The following PDE1A variants were observed in gnomAD, a reference collection of about 807,000 sequenced individuals.
The protein encoded by PDE1A is phosphodiesterase 1A, also known as dual specificity calcium/calmodulin-dependent 3',5'-cyclic nucleotide phosphodiesterase 1A.
Under a neutral mutation model 61.7 loss-of-function variants are expected in PDE1A, and 35 were observed. That is an observed-to-expected ratio of 0.57 (90% confidence interval 0.43 to 0.75). The LOEUF is 0.75. PDE1A is among the 30% of genes least tolerant of loss of function. The pLI, the probability that PDE1A is intolerant of heterozygous loss-of-function variation, is 0.00. For synonymous variants in PDE1A, 232 were observed against 213.2 expected (o/e 1.09, Z -0.77); for missense variants, 597 against 630.6 (o/e 0.95, Z 0.57).
the PDE1A span, among the ~76,000 whole-genome samples, chr2:182,535,339 G>A: frequency 2.3e-4 from 16 of 68,402 alleles, no homozygotes; most frequent in Non-Finnish European, 5.0e-4. Flanking sequence ...ACAGAGTCAG[G>A]ATTTAAAACT....
At chr2:182,425,659 C>A (rs989251477) in intron 1 of PDE1A, among the ~76,000 whole-genome samples, 1 of 152,052 alleles carries the variant, frequency 6.6e-6, no homozygotes, top group African/African-American at 2.4e-5. Flanking sequence ...TATGTAGAAA[C>A]CACAGAGAAA....
At chr2:182,464,975 C>T in intron 2 of PDE1A, among the ~76,000 whole-genome samples, 1 of 152,148 alleles carries the variant, frequency 6.6e-6, no homozygotes, top group East Asian at 1.9e-4. Flanking sequence ...AAGAGTGAGA[C>T]TTAAAGACTA....
intron 2 of PDE1A, among the ~76,000 whole-genome samples, chr2:182,513,890 GACTTA>G (rs1301702174): frequency 6.6e-6 from 1 of 152,192 alleles, no homozygotes; most frequent in Non-Finnish European, 1.5e-5. Flanking sequence ...TCAGTAAGAA[GACTTA>G]ACTTTTCTAA....
chr2:182,522,551 C>T, intron 1 of PDE1A: 1 of 1,423,088 alleles, frequency 7.0e-7, no homozygotes, highest in Non-Finnish European at 9.2e-7. Flanking sequence ...CTTTGACAGG[C>T]ATATATCCAC....
At chr2:182,528,581 T>C in the PDE1A span, among the ~76,000 whole-genome samples, 6 of 152,134 alleles carry the variant, frequency 3.9e-5, no homozygotes, top group Non-Finnish European at 8.8e-5. Context: ...GCATAAGTAA[T>C]GAGGAGCCAA....
intron 2 of PDE1A, among the ~76,000 whole-genome samples, chr2:182,460,593 G>A (rs1036002335): frequency 5.9e-5 from 9 of 151,972 alleles, no homozygotes; most frequent in East Asian, 1.9e-4. Context: ...TCCTTTGCTC[G>A]ACTAAAGATG....
the PDE1A span, among the ~76,000 whole-genome samples, chr2:182,630,075 G>C: frequency 6.6e-6 from 1 of 152,058 alleles, no homozygotes; most frequent in African/African-American, 2.4e-5. Flanking sequence ...CTCATCATTT[G>C]TAAGAACTCT....
At chr2:182,358,513 T>C (rs1380804407) in intron 1 of PDE1A, among the ~76,000 whole-genome samples, 1 of 152,188 alleles carries the variant, frequency 6.6e-6, no homozygotes, top group Non-Finnish European at 1.5e-5. Context: ...CTAGACACCG[T>C]GTTTTTCTCC....
intron 1 of PDE1A, among the ~76,000 whole-genome samples, chr2:182,291,058 T>C (rs948483572): frequency 6.6e-6 from 1 of 152,034 alleles, no homozygotes; most frequent in Non-Finnish European, 1.5e-5. Context: ...AGCTCATCCA[T>C]TTAAACTTTC....
At chr2:182,469,505 C>T (rs1288953133) in intron 2 of PDE1A, among the ~76,000 whole-genome samples, 1 of 151,994 alleles carries the variant, frequency 6.6e-6, no homozygotes, top group East Asian at 1.9e-4. Flanking sequence ...AAAGTTGTGG[C>T]TGGTTTGATC....
At chr2:182,643,640 A>C in the PDE1A span, among the ~76,000 whole-genome samples, 1 of 152,204 alleles carries the variant, frequency 6.6e-6, no homozygotes, top group Non-Finnish European at 1.5e-5. Flanking sequence ...TGAAAGAGAA[A>C]GCTCTCTCAC....
intron 1 of PDE1A, chr2:182,522,622 C>G: frequency 7.8e-7 from 1 of 1,278,184 alleles, no homozygotes; most frequent in South Asian, 2.2e-5. Flanking sequence ...TCTGACCTCA[C>G]AAGAACAATC....
intron 13 of PDE1A, among the ~76,000 whole-genome samples, chr2:182,151,730 T>G (rs999711907): frequency 6.6e-6 from 1 of 152,238 alleles, no homozygotes. Context: ...GTTGTTCTTT[T>G]TGTATTTTTC....
intron 1 of PDE1A, among the ~76,000 whole-genome samples, chr2:182,360,059 T>TAC (rs1699411664): frequency 1.3e-5 from 2 of 152,082 alleles, no homozygotes; most frequent in Non-Finnish European, 2.9e-5. Flanking sequence ...CTATGAAAAC[T>TAC]ACACACTTAA....
intron 1 of PDE1A, among the ~76,000 whole-genome samples, chr2:182,334,083 A>C (rs576420605): frequency 3.2e-4 from 49 of 152,326 alleles, no homozygotes; most frequent in African/African-American, 1.2e-3. Flanking sequence ...TTGAGGCAGT[A>C]ATTAATAGCC....
chr2:182,459,967 C>T (rs1017961872), intron 2 of PDE1A, among the ~76,000 whole-genome samples: 9 of 152,132 alleles, frequency 5.9e-5, no homozygotes, highest in African/African-American at 2.2e-4. Flanking sequence ...GTCAAATAAT[C>T]CACTTCTTAG....
chr2:182,264,649 G>GT (rs1692473749), intron 1 of PDE1A, among the ~76,000 whole-genome samples: 1 of 151,358 alleles, frequency 6.6e-6, no homozygotes. Context: ...TGGGTAGCTA[G>GT]TTTAAGTATA....
At chr2:182,624,479 T>C in the PDE1A span, among the ~76,000 whole-genome samples, 1 of 152,226 alleles carries the variant, frequency 6.6e-6, no homozygotes, top group South Asian at 2.1e-4. Flanking sequence ...ACTGATATCA[T>C]GGGGACCAAT....
chr2:182,554,171 C>T, the PDE1A span, among the ~76,000 whole-genome samples: 6 of 152,122 alleles, frequency 3.9e-5, no homozygotes, highest in Non-Finnish European at 7.3e-5. Flanking sequence ...GGAGTCACAC[C>T]ATTTTCCTTT....
Sources: gnomAD v4.1 joint callset for allele counts (sites outside exome capture counted in the v4.1 genomes callset) on GRCh38, gnomAD v4.1.1 for gene constraint, MANE v1.5 for transcripts, NCBI Gene and HGNC (gene_info 2026-07-23, HGNC 2026-07-21) for gene names.